The following ABR variants were observed in gnomAD, a reference collection of about 807,000 sequenced individuals.
ABR encodes the protein ABR activator of RhoGEF and GTPase, also known as active breakpoint cluster region-related protein.
A neutral mutation model predicts 107.2 loss-of-function variants in ABR; 35 were observed. The ratio of observed to expected loss-of-function variants is 0.33; its 90% CI spans 0.25 to 0.43. The LOEUF is 0.43. Ranked by LOEUF, ABR falls within the 20% of genes least tolerant of loss-of-function variation. ABR has a pLI of 1.00. For synonymous variants in ABR, 498 were observed against 462.0 expected (o/e 1.08, Z -1.00); for missense variants, 815 against 1,115.2 (o/e 0.73, Z 3.83).
At chr17:1,201,833 C>T (rs1008556468) in intron 1 of ABR, among the ~76,000 whole-genome samples, 1 of 152,236 alleles carries the variant, frequency 6.6e-6, no homozygotes, top group Admixed American at 6.5e-5. Flanking sequence ...CCCACCACCA[C>T]GCCCGGCTAA....
chr17:1,091,315 ACGGAGCACCC>A (rs1194334081), intron 4 of ABR, among the ~76,000 whole-genome samples: 1 of 151,656 alleles, frequency 6.6e-6, no homozygotes, highest in Non-Finnish European at 1.5e-5. Context: ...TCCGGGAAAG[ACGGAGCACCC>A]TCCGGGAGGG....
chr17:1,153,133 T>C lies in ABR; in HGVS notation c.61+26534A>G, dbSNP rs529476003. On this transcript the variant is annotated intron_variant, in intron 1 of 22. Transcript: ENST00000302538. ...TCAGCTGTGATCCAGAGCCGCCCTC[T>C]GTTCTGGGAGATGGGGACCAGTCTG... 1.5e-3 allele frequency among the ~76,000 whole-genome samples: 229 copies of C among 152,332 alleles called. 1 individual carries two copies. The highest frequency in any genetic ancestry group is 5.2e-3 in the African/African-American group (216 of 41,584).
At chr17:1,147,177 C>A (rs1382475228) in intron 1 of ABR, among the ~76,000 whole-genome samples, 1 of 152,200 alleles carries the variant, frequency 6.6e-6, no homozygotes, top group Non-Finnish European at 1.5e-5. Flanking sequence ...AGCTCTTTCT[C>A]CCTTTCTCCT....
intron 1 of ABR, among the ~76,000 whole-genome samples, chr17:1,176,102 A>T (rs890316988): frequency 1.3e-5 from 2 of 151,940 alleles, no homozygotes; most frequent in Non-Finnish European, 2.9e-5. Context: ...GTGTCAAAAA[A>T]AAAAAAGAAG....
chr17:1,048,507 C>T (rs151170963), intron 16 of ABR, among the ~76,000 whole-genome samples: 1,820 of 150,820 alleles, frequency 0.012, 50 homozygotes, highest in African/African-American at 0.042. Flanking sequence ...CTGTTGTAGA[C>T]GGAGCCATCG....
At chr17:1,105,087 C>T (rs1431259295) in intron 2 of ABR, among the ~76,000 whole-genome samples, 2 of 149,108 alleles carry the variant, frequency 1.3e-5, no homozygotes, top group Non-Finnish European at 3.0e-5. Context: ...TGGCTCACTG[C>T]AACCTCCATC....
At chr17:1,134,839 G>A (rs1028941876) in intron 1 of ABR, among the ~76,000 whole-genome samples, 1 of 152,244 alleles carries the variant, frequency 6.6e-6, no homozygotes, top group Non-Finnish European at 1.5e-5. Flanking sequence ...ACCTCTCTGT[G>A]CCTCCGAGGA....
chr17:1,133,719 C>T (rs28377834), intron 1 of ABR, among the ~76,000 whole-genome samples: 12,062 of 152,162 alleles, frequency 0.079, 542 homozygotes, highest in Middle Eastern at 0.17. Flanking sequence ...CACCCGACAC[C>T]CGTCTTCCCT....
intron 10 of ABR, among the ~76,000 whole-genome samples, chr17:1,061,516 G>C (rs560421434): frequency 1.3e-4 from 20 of 150,878 alleles, no homozygotes; most frequent in Non-Finnish European, 2.5e-4. Context: ...ATCTGGTTAT[G>C]TTTTCTTCAA....
intron 1 of ABR, among the ~76,000 whole-genome samples, chr17:1,171,219 C>T (rs913243029): frequency 6.6e-6 from 1 of 152,200 alleles, no homozygotes; most frequent in African/African-American, 2.4e-5. Context: ...CTTAATTACA[C>T]GGCGTCTTTG....
intron 16 of ABR, among the ~76,000 whole-genome samples, chr17:1,034,934 C>T (rs1327355490): frequency 3.9e-5 from 6 of 152,096 alleles, no homozygotes; most frequent in Non-Finnish European, 8.8e-5. Context: ...GTACCACAGG[C>T]TCAATACTTG....
At chr17:1,101,944 A>G (rs183588422) in intron 2 of ABR, among the ~76,000 whole-genome samples, 2,577 of 152,198 alleles carry the variant, frequency 0.017, 28 homozygotes, top group Non-Finnish European at 0.023. Flanking sequence ...CGTGTTAGCC[A>G]GGATGGTCTC....
intron 3 of ABR, among the ~76,000 whole-genome samples, chr17:1,097,387 T>G (rs2037540712): frequency 1.3e-5 from 2 of 151,992 alleles, no homozygotes; most frequent in African/African-American, 4.8e-5. Context: ...GGTCAGGAGT[T>G]CAAGACCAGC....
chr17:1,056,012 C>T (rs376854637), intron 14 of ABR, 23 bp downstream of exon 14: 28 of 1,610,324 alleles, frequency 1.7e-5, no homozygotes, highest in Non-Finnish European at 2.2e-5. Context: ...CCCACCCAAC[C>T]TCGTCCTGGC....
At chr17:1,149,857 T>C (rs748611761) in intron 1 of ABR, among the ~76,000 whole-genome samples, 1 of 152,242 alleles carries the variant, frequency 6.6e-6, no homozygotes, top group Non-Finnish European at 1.5e-5. Context: ...TTTAGCTGTG[T>C]GTCCTGGGGC....
chr17:1,132,839 T>C (rs543978031), intron 1 of ABR, among the ~76,000 whole-genome samples: 2 of 152,354 alleles, frequency 1.3e-5, no homozygotes, highest in African/African-American at 4.8e-5. Context: ...AAGTTCTATA[T>C]AGTTTTCACT....
rs890003739 is a variant in ABR, at chr17:1,037,895, G to T, written c.1791+12155C>A. Among the ~76,000 whole-genome samples, 1 of 152,172 alleles carries T rather than the reference G, an allele frequency of 6.6e-6. No individual in the cohort carries two copies. The highest frequency in any genetic ancestry group is 6.5e-5 in the Admixed American group (1 of 15,286). On this transcript the variant is annotated intron_variant, in intron 16 of 22. Transcript: ENST00000302538. This position sits in a 1 kb window ranked among gnomAD's most constrained non-coding sequence, Gnocchi z 4.6. ...GACTCAACGGCTGTGTTTTTCTCTG[G>T]GTTCAGTTTCCACAGCTGTCAAATC...
chr17:1,142,421 C>G (rs1034960193), intron 1 of ABR, among the ~76,000 whole-genome samples: 2 of 151,974 alleles, frequency 1.3e-5, no homozygotes, highest in African/African-American at 4.8e-5. Flanking sequence ...CCCGTCTCTA[C>G]TAAAAATATA....
chr17:1,013,021 A>T (rs2150743347), intron 17 of ABR, 84 bp downstream of exon 17: 1 of 1,513,862 alleles, frequency 6.6e-7, no homozygotes, highest in Non-Finnish European at 9.2e-7. Flanking sequence ...CCCCAGGAGC[A>T]GCCACAGGGC....
Sources: gnomAD v4.1 joint callset for allele counts (sites outside exome capture counted in the v4.1 genomes callset) on GRCh38, gnomAD v4.1.1 for gene constraint, Gnocchi (gnomAD v3.1) non-coding constraint, MANE v1.5 for transcripts, NCBI Gene and HGNC (gene_info 2026-07-23, HGNC 2026-07-21) for gene names.